The following ANXA4 variants were observed in gnomAD, a reference collection of about 807,000 sequenced individuals.
The protein encoded by ANXA4 is 35-beta calcimedin.
Under a neutral mutation model 49.8 loss-of-function variants are expected in ANXA4, and 39 were observed. The observed-to-expected ratio is 0.78, with a 90% CI of 0.61 to 1.02. The LOEUF (loss-of-function observed/expected upper bound fraction) is 1.02, where lower values mean the gene tolerates loss of function less well. ANXA4 is among the 50% of genes least tolerant of loss of function. The pLI is 0.00. For synonymous variants in ANXA4, 134 were observed against 152.5 expected (o/e 0.88, Z 0.89); for missense variants, 360 against 410.1 (o/e 0.88, Z 1.05).
At chr2:69,646,009 C>T (rs1226515083) in intron 1 of ANXA4, among the ~76,000 whole-genome samples, 1 of 152,162 alleles carries the variant, frequency 6.6e-6, no homozygotes, top group Non-Finnish European at 1.5e-5. Context: ...CCTGGCTATA[C>T]TAAACTGTCT....
intron 1 of ANXA4, among the ~76,000 whole-genome samples, chr2:69,762,698 G>A (rs773694867): frequency 6.6e-6 from 1 of 152,052 alleles, no homozygotes; most frequent in Admixed American, 6.6e-5. Context: ...CATGATTCGC[G>A]CCCCAACACC....
chr2:69,711,324 C>T (rs1037874092), intron 2 of ANXA4, among the ~76,000 whole-genome samples: 1 of 152,132 alleles, frequency 6.6e-6, no homozygotes, highest in East Asian at 1.9e-4. Context: ...GATAAACAAA[C>T]AATTGTGATG....
intron 2 of ANXA4, among the ~76,000 whole-genome samples, chr2:69,663,024 C>T (rs2105327269): frequency 7.2e-6 from 1 of 137,970 alleles, no homozygotes; most frequent in South Asian, 2.3e-4. Context: ...ATGGAGTCTC[C>T]CTCTGTCACC....
At chr2:69,795,518 CTG>C (rs1333977512) in intron 3 of ANXA4, among the ~76,000 whole-genome samples, 1 of 152,114 alleles carries the variant, frequency 6.6e-6, no homozygotes, top group Non-Finnish European at 1.5e-5. Context: ...GTTGCAAGGA[CTG>C]TTACAGGGTC....
chr2:69,712,520 A>G (rs884594), intron 2 of ANXA4, among the ~76,000 whole-genome samples: 8,766 of 152,224 alleles, frequency 0.058, 868 homozygotes, highest in African/African-American at 0.2. Context: ...CCTAGGGGAG[A>G]CAACCATCTC....
At chr2:69,746,564 T>G (rs540915722) in intron 1 of ANXA4, among the ~76,000 whole-genome samples, 1 of 152,314 alleles carries the variant, frequency 6.6e-6, no homozygotes, top group Admixed American at 6.5e-5. Flanking sequence ...AATTTATTAG[T>G]GTTTGGTTTT....
intron 1 of ANXA4, among the ~76,000 whole-genome samples, chr2:69,744,494 G>A (rs1670533414): frequency 6.6e-6 from 1 of 152,070 alleles, no homozygotes; most frequent in Middle Eastern, 3.2e-3. Context: ...ATTTTGCTTG[G>A]GATTTGAGCT....
intron 2 of ANXA4, chr2:69,720,715 A>G (rs548744292): frequency 1.0e-3 from 158 of 152,350 alleles, no homozygotes; most frequent in African/African-American, 3.7e-3. Context: ...CCTATATGTG[A>G]ACATCATTAA....
At chr2:69,814,779 TGTGTGTGTGTGTGTGA>T (rs1273329499) in intron 8 of ANXA4, 18 of 101,504 alleles carry the variant, frequency 1.8e-4, no homozygotes, top group Admixed American at 4.6e-4. Flanking sequence ...TGTGTGTGTG[TGTGTGTGTGTGTGTGA>T]GAGAAAGAGA....
At chr2:69,796,516 T>C (rs186651203) in intron 3 of ANXA4, among the ~76,000 whole-genome samples, 1 of 152,234 alleles carries the variant, frequency 6.6e-6, no homozygotes, top group South Asian at 2.1e-4. Context: ...CAGCTCTCCA[T>C]GTGAAGTCAA....
chr2:69,693,865 A>T (rs1292115413), intron 2 of ANXA4, among the ~76,000 whole-genome samples: 5 of 151,944 alleles, frequency 3.3e-5, no homozygotes, highest in Admixed American at 6.6e-5. Flanking sequence ...CTGAGCATTA[A>T]ACCAAGCACC....
chr2:69,777,615 T>A (rs1559179132), intron 1 of ANXA4, among the ~76,000 whole-genome samples: 1 of 152,226 alleles, frequency 6.6e-6, no homozygotes, highest in Non-Finnish European at 1.5e-5. Flanking sequence ...TGACTGCATC[T>A]TCATCTCATG....
intron 2 of ANXA4, among the ~76,000 whole-genome samples, chr2:69,716,789 T>A (rs1279611210): frequency 6.6e-6 from 1 of 152,218 alleles, no homozygotes; most frequent in Non-Finnish European, 1.5e-5. Context: ...AAAAGAGTTG[T>A]GTTTTGTTCA....
intron 2 of ANXA4, among the ~76,000 whole-genome samples, chr2:69,684,286 A>G (rs1435804976): frequency 6.6e-6 from 1 of 152,224 alleles, no homozygotes; most frequent in East Asian, 1.9e-4. Context: ...TATCTATCCT[A>G]CCATCAAATT....
chr2:69,727,025 G>C (rs917919087), intron 3 of ANXA4, among the ~76,000 whole-genome samples: 1 of 152,092 alleles, frequency 6.6e-6, no homozygotes, highest in African/African-American at 2.4e-5. Flanking sequence ...TGGGACTACA[G>C]GTGTGCACCA....
intron 1 of ANXA4, among the ~76,000 whole-genome samples, chr2:69,770,443 C>T (rs1350654724): frequency 6.6e-6 from 1 of 152,144 alleles, no homozygotes; most frequent in Non-Finnish European, 1.5e-5. Context: ...GTGAATGACT[C>T]ACTCACATGT....
At chr2:69,814,835 T>C (rs1673910502) in intron 8 of ANXA4, 1 of 149,464 alleles carries the variant, frequency 6.7e-6, no homozygotes, top group African/African-American at 2.5e-5. Flanking sequence ...AGTACCAGGA[T>C]CTTCAGAGGG....
At chr2:69,823,033 C>CTA (rs1222212768) in intron 12 of ANXA4, among the ~76,000 whole-genome samples, 5 of 149,920 alleles carry the variant, frequency 3.3e-5, no homozygotes, top group Non-Finnish European at 7.4e-5. Context: ...ATTTACATGG[C>CTA]TTTATGTTAT....
intron 2 of ANXA4, among the ~76,000 whole-genome samples, chr2:69,673,687 GACACACACACACACAC>G (rs72114703): frequency 2.4e-4 from 33 of 139,126 alleles, no homozygotes; most frequent in African/African-American, 8.3e-4. Flanking sequence ...TTTTTTCAAA[GACACACACACACACAC>G]ACACACACAC....
Sources: gnomAD v4.1 joint callset for allele counts (sites outside exome capture counted in the v4.1 genomes callset) on GRCh38, gnomAD v4.1.1 for gene constraint, MANE v1.5 for transcripts, NCBI Gene and HGNC (gene_info 2026-07-23, HGNC 2026-07-21) for gene names.